The following ATF7IP2 variants were observed in gnomAD, a reference collection of about 807,000 sequenced individuals.
ATF7IP2 encodes activating transcription factor 7-interacting protein 2.
Under a neutral mutation model 64.2 loss-of-function variants are expected in ATF7IP2, and 42 were observed. The ratio of observed to expected loss-of-function variants is 0.65; its 90% CI spans 0.51 to 0.85. The LOEUF is 0.85. Among genes scored for constraint, ATF7IP2 ranks in the 40% least tolerant of loss-of-function variants. The pLI is 0.00. For missense variants in ATF7IP2, 933 were observed against 784.2 expected, an observed-to-expected ratio of 1.19 and a Z score of -2.27; for synonymous variants, 308 against 272.8, an observed-to-expected ratio of 1.13 and a Z score of -1.27.
chr16:10,426,062 G>T (rs2044285), intron 3 of ATF7IP2, among the ~76,000 whole-genome samples: 2,706 of 152,206 alleles, frequency 0.018, 84 homozygotes, highest in African/African-American at 0.062. Context: ...ATGAAAATAG[G>T]TCCTTTCCTC....
Position 10,481,924 on chromosome 16 carries a change from C to G in ATF7IP2, c.1724C>G (p.Pro575Arg). Residue 575 changes from proline to arginine, a missense_variant, in exon 14 of 14, where the codon CCT becomes CGT. Pro to Arg is a moderately radical substitution (Grantham distance 103). Transcript: ENST00000562102. ...ELVDKTRDTL[P>R]PQKPELKVKR... ...GTAGACAAAACCCGAGACACACTTC[C>G]TCCCCAGAAGCCTGAGCTCAAAGTG... The G allele has an allele frequency of 6.2e-7, 1 of 1,614,100 alleles. No homozygotes were observed. Among genetic ancestry groups the G allele is most frequent in the Non-Finnish European group, 8.5e-7 (1 of 1,179,994 alleles).
At chr16:10,446,898 T>C (rs2141961685) in intron 8 of ATF7IP2, 2 of 152,074 alleles carry the variant, frequency 1.3e-5, no homozygotes, top group Middle Eastern at 6.8e-3. Context: ...CTGCTGGAGA[T>C]TTCTTGCCTT....
chr16:10,401,216 G>T (rs1257143328), intron 1 of ATF7IP2, among the ~76,000 whole-genome samples: 1 of 152,098 alleles, frequency 6.6e-6, no homozygotes, highest in African/African-American at 2.4e-5. Context: ...TGCCCAAGCT[G>T]CAGTGCAGTG....
chr16:10,442,866 A>G (rs529394804), intron 8 of ATF7IP2, among the ~76,000 whole-genome samples: 1 of 152,190 alleles, frequency 6.6e-6, no homozygotes, highest in African/African-American at 2.4e-5. Context: ...AATTTATCCA[A>G]TCCACGTTTT....
intron 1 of ATF7IP2, among the ~76,000 whole-genome samples, chr16:10,395,143 C>G (rs2047397817): frequency 6.6e-6 from 1 of 151,922 alleles, no homozygotes. Context: ...GACATTACTT[C>G]TGACCTTCCA....
chr16:10,454,936 TA>T (rs1161183556), intron 8 of ATF7IP2, among the ~76,000 whole-genome samples: 1 of 152,224 alleles, frequency 6.6e-6, no homozygotes, highest in Non-Finnish European at 1.5e-5. Flanking sequence ...ACATACTATG[TA>T]AAACTTAAAT....
At chr16:10,392,523 G>C (rs2141739064) in intron 1 of ATF7IP2, among the ~76,000 whole-genome samples, 1 of 152,160 alleles carries the variant, frequency 6.6e-6, no homozygotes, top group South Asian at 2.1e-4. Flanking sequence ...AATGGCATTA[G>C]TGGTTAATTA....
chr16:10,429,758 A>ATTATTTTATTTTATTATT lies in ATF7IP2; in HGVS notation c.-11+757_-11+758insATTTTATTTTATTTTATT, dbSNP rs2048183039. ...TATTTTATTTTATTTATTTTATTTTATTATTTTATTTTATTTTAATTTAAT... is the reference window on the plus strand; with the variant it reads ...TATTTTATTTTATTTATTTTATTTTATTATTTTATTTTATTATTTTATTTTATTTTATTTTAATTTAAT... On this transcript the variant is annotated intron_variant, in intron 4 of 13. Coordinates refer to ENST00000562102, the MANE Select transcript of ATF7IP2 (RefSeq NM_001393719.1). 6.2e-5 allele frequency among the ~76,000 whole-genome samples: 8 copies of ATTATTTTATTTTATTATT among 128,622 alleles called. 1 individual carries two copies. The South Asian group carries it at 1.7e-3, about 27-fold the overall frequency. 84.4% of individuals were successfully genotyped at this position (128,622 alleles called of 152,430 possible).
At position 10,438,144 on chromosome 16, in the gene ATF7IP2, A is replaced by T; in HGVS notation, c.1004A>T (p.Glu335Val). 1 of 1,599,450 alleles carries T rather than the reference A, an allele frequency of 6.3e-7. No homozygotes were observed. The highest frequency in any genetic ancestry group is 1.1e-5 in the South Asian group (1 of 88,704). The change falls in exon 7 of 14, where the codon GAA (glutamate) becomes GTA (valine). Residue 335 changes from glutamate to valine, a missense_variant. Glu to Val is a moderately radical substitution (Grantham distance 121). Coordinates refer to ENST00000562102, the MANE Select transcript of ATF7IP2 (RefSeq NM_001393719.1). ...CAGGAGATCTATAGCATAAATTATG[A>T]ACTATTTGATAAGAAACTGAAAGAA... The part of the protein sequence containing the change: ...IQQEIYSINY[E>V]LFDKKLKELN...
intron 1 of ATF7IP2, among the ~76,000 whole-genome samples, chr16:10,392,142 C>A (rs2047339562): frequency 6.6e-6 from 1 of 150,754 alleles, no homozygotes; most frequent in Non-Finnish European, 1.5e-5. Context: ...CAACCCCCAC[C>A]CCCCAGGTTC....
chr16:10,430,975 C>G lies in ATF7IP2; in HGVS notation c.355C>G (p.Pro119Ala). 1 of 1,614,080 alleles carries G rather than the reference C, an allele frequency of 6.2e-7. No homozygotes were observed. Reference protein sequence around the residue: ...LEQVVCSYQKPSRTTESPSRV... With the variant: ...LEQVVCSYQKASRTTESPSRV... ...ACAAGTTGTTTGTTCGTACCAAAAGCCAAGTAGAACAACAGAATCCCCCAG... is the reference window on the plus strand; with the variant it reads ...ACAAGTTGTTTGTTCGTACCAAAAGGCAAGTAGAACAACAGAATCCCCCAG... The change falls in exon 5 of 14, where the codon CCA becomes GCA. Residue 119 changes from proline to alanine, a missense_variant. Pro to Ala is a conservative substitution (Grantham distance 27, BLOSUM62 -1). Transcript: ENST00000562102.
intron 4 of ATF7IP2, 161 bp from the exon 5 acceptor site, chr16:10,430,450 G>A (rs954314229): frequency 1.8e-6 from 1 of 553,896 alleles, no homozygotes; most frequent in Non-Finnish European, 3.2e-6. Context: ...TATGTTTTCA[G>A]TGTCATGAAA....
intron 2 of ATF7IP2, among the ~76,000 whole-genome samples, chr16:10,418,369 C>T (rs748249237): frequency 4.6e-5 from 7 of 152,164 alleles, no homozygotes; most frequent in Non-Finnish European, 8.8e-5. Flanking sequence ...TTGTTTATGG[C>T]CAGTTTTGGG....
intron 1 of ATF7IP2, among the ~76,000 whole-genome samples, chr16:10,408,155 C>T (rs530261982): frequency 5.4e-4 from 82 of 152,276 alleles, no homozygotes; most frequent in Non-Finnish European, 1.1e-3. Flanking sequence ...CGCGATCCAC[C>T]TGCCTTGGCC....
chr16:10,434,191 T>G (rs769050923), intron 6 of ATF7IP2, among the ~76,000 whole-genome samples: 2 of 152,228 alleles, frequency 1.3e-5, no homozygotes, highest in African/African-American at 2.4e-5. Context: ...ATACACTTCT[T>G]GCTTTCATTG....
intron 9 of ATF7IP2, among the ~76,000 whole-genome samples, chr16:10,462,412 G>C (rs1360125713): frequency 6.6e-6 from 1 of 151,940 alleles, no homozygotes; most frequent in Non-Finnish European, 1.5e-5. Flanking sequence ...AATGCCATCA[G>C]TTTTTATCCG....
intron 8 of ATF7IP2, among the ~76,000 whole-genome samples, chr16:10,455,978 A>ATT (rs112702244): frequency 5.5e-5 from 2 of 36,346 alleles, no homozygotes; most frequent in African/African-American, 3.1e-4. Flanking sequence ...ATGAGATTTT[A>ATT]TTTCTTTTTT....
At chr16:10,404,802 C>G (rs897781452) in intron 1 of ATF7IP2, among the ~76,000 whole-genome samples, 2 of 152,114 alleles carry the variant, frequency 1.3e-5, no homozygotes, top group African/African-American at 4.8e-5. Flanking sequence ...TTTGGCCTCC[C>G]AAGGTGCTGG....
rs571510231 is a variant in ATF7IP2, at chr16:10,480,132, C to T, written c.1550-747C>T. 4.0e-5 allele frequency among the ~76,000 whole-genome samples: 6 copies of T among 151,668 alleles called. No individual in the cohort carries two copies. The South Asian group carries it at 1.3e-3, about 32-fold the overall frequency. ...CCTCCCGAGTAGCTGGGACTACAGGCACGCGCCACCACACCCAGCTAATTT... is the reference window on the plus strand; with the variant it reads ...CCTCCCGAGTAGCTGGGACTACAGGTACGCGCCACCACACCCAGCTAATTT... On this transcript the variant is annotated intron_variant, in intron 12 of 13. Coordinates refer to ENST00000562102, the MANE Select transcript of ATF7IP2 (RefSeq NM_001393719.1).
Sources: allele counts gnomAD v4.1 joint callset (sites outside exome capture counted in the v4.1 genomes callset), GRCh38; gene constraint gnomAD v4.1.1; transcripts MANE v1.5; gene names NCBI Gene and HGNC (gene_info 2026-07-23, HGNC 2026-07-21).